Variants in ST6GALNAC3 observed in about 807,000 individuals in gnomAD.
ST6GALNAC3 encodes ST6 N-acetylgalactosaminide alpha-2,6-sialyltransferase 3.
Under a neutral mutation model 32.7 loss-of-function variants are expected in ST6GALNAC3, and 25 were observed. The observed-to-expected ratio is 0.76, with a 90% CI of 0.56 to 1.07. The LOEUF (loss-of-function observed/expected upper bound fraction) is 1.07. Ranked by LOEUF, ST6GALNAC3 falls within the 50% of genes least tolerant of loss-of-function variation. ST6GALNAC3 has a pLI of 0.00. For synonymous variants in ST6GALNAC3, 129 were observed against 133.1 expected, an observed-to-expected ratio of 0.97 and a Z score of 0.21; for missense variants, 355 against 382.4, an observed-to-expected ratio of 0.93 and a Z score of 0.60.
At chr1:76,211,796 G>A (rs1413673536) in intron 1 of ST6GALNAC3, among the ~76,000 whole-genome samples, 4 of 151,860 alleles carry the variant, frequency 2.6e-5, no homozygotes, top group Non-Finnish European at 1.5e-5. Context: ...GGGGTGGGGG[G>A]AGCGGGGAGG....
intron 1 of ST6GALNAC3, among the ~76,000 whole-genome samples, chr1:76,194,475 A>C (rs1654083570): frequency 6.6e-6 from 1 of 150,974 alleles, no homozygotes; most frequent in Admixed American, 6.6e-5. Flanking sequence ...TTAAATATTT[A>C]ATTTATTTCA....
chr1:76,333,302 A>T (rs1433449415), intron 2 of ST6GALNAC3, among the ~76,000 whole-genome samples: 1 of 152,156 alleles, frequency 6.6e-6, no homozygotes, highest in East Asian at 1.9e-4. Flanking sequence ...AGGAAGATTT[A>T]AGCTCAGTAT....
intron 3 of ST6GALNAC3, among the ~76,000 whole-genome samples, chr1:76,579,970 C>A (rs934338892): frequency 6.6e-6 from 1 of 151,932 alleles, no homozygotes; most frequent in South Asian, 2.1e-4. Flanking sequence ...CTTCTCATAC[C>A]TTCATCATTT....
At chr1:76,546,075 T>C (rs1426908679) in intron 3 of ST6GALNAC3, among the ~76,000 whole-genome samples, 1 of 152,216 alleles carries the variant, frequency 6.6e-6, no homozygotes, top group Non-Finnish European at 1.5e-5. Flanking sequence ...ATTGAGACTC[T>C]GTACTTTCCA....
At chr1:76,502,838 A>G (rs767760209) in intron 3 of ST6GALNAC3, among the ~76,000 whole-genome samples, 4 of 152,192 alleles carry the variant, frequency 2.6e-5, no homozygotes, top group African/African-American at 4.8e-5. Context: ...CTGCCTTACA[A>G]CAAACTTGTG....
In ST6GALNAC3 at chr1:76,631,915, A is replaced by AT. The variant is rs1649317290; in HGVS notation, c.*3112dup. ...TTTAACCAAGTGAGAAGTAGCAATG[A>AT]TTTACATTGTTATGATGATAATGTG... On this transcript the variant is annotated 3_prime_UTR_variant, in exon 5 of 5. Transcript: ENST00000328299. 2.0e-5 allele frequency: 3 copies of AT among 152,188 alleles called. No homozygotes were observed. The highest frequency in any genetic ancestry group is 2.0e-4 in the Admixed American group (3 of 15,274). The allele number at this position is 152,188 out of a possible 1,614,324, so 9.4% of individuals were successfully genotyped here. A position where few individuals can be genotyped will look rare whatever the true frequency, so the allele number is the denominator to read the frequency against.
intron 1 of ST6GALNAC3, among the ~76,000 whole-genome samples, chr1:76,214,783 G>A (rs2100584760): frequency 6.6e-6 from 1 of 152,316 alleles, no homozygotes; most frequent in East Asian, 1.9e-4. Context: ...TGTCATTGAA[G>A]AAATGGTTAC....
chr1:76,566,339 C>G (rs1665553830), intron 3 of ST6GALNAC3, among the ~76,000 whole-genome samples: 1 of 152,172 alleles, frequency 6.6e-6, no homozygotes, highest in Non-Finnish European at 1.5e-5. Context: ...TTCTCTACCT[C>G]TTTACAGTGT....
At chr1:76,611,883 G>C (rs546909896) in intron 3 of ST6GALNAC3, among the ~76,000 whole-genome samples, 16 of 152,272 alleles carry the variant, frequency 1.1e-4, no homozygotes, top group African/African-American at 3.9e-4. Context: ...TCTTGAAAGA[G>C]ATGATATGAG....
intron 2 of ST6GALNAC3, among the ~76,000 whole-genome samples, chr1:76,340,211 C>T (rs543565701): frequency 2.3e-4 from 35 of 152,256 alleles, no homozygotes; most frequent in African/African-American, 8.2e-4. Context: ...GTAGGGTGAC[C>T]TTTATTTTGT....
chr1:76,438,022 T>G (rs1194739075), intron 3 of ST6GALNAC3, among the ~76,000 whole-genome samples: 1 of 152,150 alleles, frequency 6.6e-6, no homozygotes, highest in African/African-American at 2.4e-5. Context: ...TTTTGAAAAT[T>G]AACGTCAAAA....
chr1:76,603,033 A>G (rs1427550085), intron 3 of ST6GALNAC3, among the ~76,000 whole-genome samples: 1 of 152,224 alleles, frequency 6.6e-6, no homozygotes, highest in Non-Finnish European at 1.5e-5. Flanking sequence ...GCAAAATTAA[A>G]TATCACTTTA....
intron 3 of ST6GALNAC3, among the ~76,000 whole-genome samples, chr1:76,614,563 C>CA (rs1350564910): frequency 1.3e-5 from 2 of 151,580 alleles, no homozygotes; most frequent in Non-Finnish European, 2.9e-5. Flanking sequence ...ACTAACAATA[C>CA]AAAAAATTAG....
rs990547345 is a variant in ST6GALNAC3, at chr1:76,630,085, C to A, written c.*1279C>A. ...CTTGAACACCCCATTGGGCTATTGT[C>A]TGTGTATTCTGCTCTCTTTAGCAGA... On this transcript the variant is annotated 3_prime_UTR_variant, in exon 5 of 5. Coordinates refer to ENST00000328299, the MANE Select transcript of ST6GALNAC3 (RefSeq NM_152996.4). 1.2e-4 allele frequency: 114 copies of A among 985,094 alleles called. No individual in the cohort carries two copies. In the African/African-American group the frequency reaches 1.9e-3, roughly 16 times the overall value. 61.0% of individuals were successfully genotyped at this position (985,094 alleles called of 1,614,324 possible). A position where few individuals can be genotyped will look rare whatever the true frequency, so the allele number is the denominator to read the frequency against.
At chr1:76,299,722 A>G (rs564717203) in intron 1 of ST6GALNAC3, among the ~76,000 whole-genome samples, 27 of 152,054 alleles carry the variant, frequency 1.8e-4, no homozygotes, top group Admixed American at 4.6e-4. Context: ...TTCCCTGGGG[A>G]CTAACTTCAT....
intron 1 of ST6GALNAC3, among the ~76,000 whole-genome samples, chr1:76,259,210 T>C (rs1658090165): frequency 6.6e-6 from 1 of 152,138 alleles, no homozygotes; most frequent in African/African-American, 2.4e-5. Flanking sequence ...TAGGTTACCA[T>C]ATGCTTACAA....
intron 3 of ST6GALNAC3, among the ~76,000 whole-genome samples, chr1:76,432,443 CTTTTTTTT>C (rs35527607): frequency 1.0e-4 from 6 of 57,184 alleles, no homozygotes; most frequent in Admixed American, 2.5e-4. Flanking sequence ...CCTTTATTGC[CTTTTTTTT>C]TTTTTTTTTT....
At chr1:76,126,188 G>A (rs1329997596) in intron 1 of ST6GALNAC3, among the ~76,000 whole-genome samples, 1 of 152,138 alleles carries the variant, frequency 6.6e-6, no homozygotes, top group Non-Finnish European at 1.5e-5. Flanking sequence ...CAACCACAAA[G>A]AGTCTTCTAT....
chr1:76,187,187 T>G (rs924976377), intron 1 of ST6GALNAC3, among the ~76,000 whole-genome samples: 17 of 152,214 alleles, frequency 1.1e-4, no homozygotes, highest in East Asian at 5.8e-4. Flanking sequence ...GGCATTGAAA[T>G]AAATTACTGC....
Sources: allele counts gnomAD v4.1 joint callset (sites outside exome capture counted in the v4.1 genomes callset), GRCh38; gene constraint gnomAD v4.1.1; transcripts MANE v1.5; gene names NCBI Gene and HGNC (gene_info 2026-07-23, HGNC 2026-07-21).